The following ALK variants were observed in gnomAD, a reference collection of about 807,000 sequenced individuals.
ALK encodes ALK receptor tyrosine kinase.
Under a neutral mutation model 163.1 loss-of-function variants are expected in ALK, and 74 were observed. The ratio of observed to expected loss-of-function variants is 0.45; its 90% CI spans 0.38 to 0.55. ALK has a LOEUF of 0.55. Ranked by LOEUF, ALK falls within the 20% of genes least tolerant of loss-of-function variation. The pLI is 0.00. For synonymous variants in ALK, 960 were observed against 843.2 expected (o/e 1.14, Z -2.40); for missense variants, 2,063 against 2,105.3 (o/e 0.98, Z 0.39).
chr2:29,541,122 G>T (rs1236887823), intron 3 of ALK, among the ~76,000 whole-genome samples: 1 of 152,094 alleles, frequency 6.6e-6, no homozygotes, highest in East Asian at 1.9e-4. Context: ...TCCTGGAATG[G>T]GACACAACTG....
intron 1 of ALK, among the ~76,000 whole-genome samples, chr2:29,858,904 G>T (rs764939887): frequency 2.7e-5 from 4 of 149,210 alleles, no homozygotes; most frequent in Non-Finnish European, 4.4e-5. Context: ...CCAGGCACAC[G>T]TGCCTGTAGT....
At chr2:29,688,516 C>T (rs1360957685) in intron 3 of ALK, among the ~76,000 whole-genome samples, 2 of 152,114 alleles carry the variant, frequency 1.3e-5, no homozygotes, top group African/African-American at 4.8e-5. Context: ...ATGGGGCATA[C>T]AACAGAATAA....
At chr2:29,856,616 C>T (rs1168988920) in intron 1 of ALK, among the ~76,000 whole-genome samples, 2 of 152,358 alleles carry the variant, frequency 1.3e-5, no homozygotes, top group Admixed American at 1.3e-4. Context: ...TTCACCAAAT[C>T]CTACCTCCTC....
In ALK at chr2:29,452,332, GTT is replaced by G. The variant is rs66533654; in HGVS notation, c.1155-68475_1155-68474del. 3.9e-3 allele frequency among the ~76,000 whole-genome samples: 576 copies of G among 146,130 alleles called. 24 individuals carry two copies. In the East Asian group the frequency reaches 0.1, roughly 26 times the overall value. On this transcript the variant is annotated intron_variant, in intron 4 of 28. Coordinates refer to ENST00000389048, the MANE Select transcript of ALK (RefSeq NM_004304.5). ...CTTAGATCTCACTCAAGTTTTTTTT[GTT>G]TTTTTTTTTTTTTTTTTCTTCATTC...
At chr2:29,491,682 C>T (rs1307926424) in intron 4 of ALK, among the ~76,000 whole-genome samples, 4 of 152,188 alleles carry the variant, frequency 2.6e-5, no homozygotes. Flanking sequence ...AGCAGCTGAG[C>T]TTGTTAATGA....
chr2:29,637,380 T>A (rs945028532), intron 3 of ALK, among the ~76,000 whole-genome samples: 8 of 152,162 alleles, frequency 5.3e-5, no homozygotes, highest in Non-Finnish European at 8.8e-5. Context: ...TGTTTAAACT[T>A]ACAAAAGTGT....
intron 3 of ALK, among the ~76,000 whole-genome samples, chr2:29,645,853 A>C (rs1676857691): frequency 6.6e-6 from 1 of 151,976 alleles, no homozygotes; most frequent in Admixed American, 6.6e-5. Context: ...TTCTTTAATC[A>C]CATTTACTAG....
intron 1 of ALK, among the ~76,000 whole-genome samples, chr2:29,802,621 T>C (rs1056958060): frequency 7.0e-6 from 1 of 142,764 alleles, no homozygotes; most frequent in Non-Finnish European, 1.5e-5. Flanking sequence ...CAGAGCCAAA[T>C]CCCAAATCTA....
chr2:29,384,243 T>A (rs568889292), intron 4 of ALK, among the ~76,000 whole-genome samples: 1 of 152,322 alleles, frequency 6.6e-6, no homozygotes, highest in South Asian at 2.1e-4. Context: ...CATGTATCAC[T>A]CTATTCAAAA....
chr2:29,395,742 C>A (rs546617933), intron 4 of ALK, among the ~76,000 whole-genome samples: 4 of 152,324 alleles, frequency 2.6e-5, no homozygotes, highest in Admixed American at 6.5e-5. Flanking sequence ...TCCAGAGGGT[C>A]CTGCCCTGTA....
chr2:29,892,509 C>T (rs189772455), intron 1 of ALK, among the ~76,000 whole-genome samples: 3 of 152,330 alleles, frequency 2.0e-5, no homozygotes, highest in Admixed American at 2.0e-4. Flanking sequence ...ATAATTGCTT[C>T]TAATCACTTA....
intron 11 of ALK, among the ~76,000 whole-genome samples, chr2:29,256,745 G>C (rs1664958424): frequency 6.6e-6 from 1 of 152,086 alleles, no homozygotes; most frequent in South Asian, 2.1e-4. Context: ...ACTATACTGA[G>C]GTGAGTGGAC....
At chr2:29,460,678 T>C (rs62131811) in intron 4 of ALK, among the ~76,000 whole-genome samples, 37,339 of 152,128 alleles carry the variant, frequency 0.25, 5,770 homozygotes, top group Non-Finnish European at 0.35. Context: ...ATAAATGTTG[T>C]CTGACTGCTC....
At chr2:29,736,930 A>T (rs1003349705) in intron 1 of ALK, among the ~76,000 whole-genome samples, 36 of 152,236 alleles carry the variant, frequency 2.4e-4, no homozygotes, top group African/African-American at 8.4e-4. Context: ...GAAGTAACAG[A>T]GAATGGGCAC....
Position 29,395,456 on chromosome 2 carries a change from A to C in ALK, c.1155-11597T>G, listed in dbSNP as rs146730468. Among the ~76,000 whole-genome samples, 513 of 152,210 alleles carry C rather than the reference A, an allele frequency of 3.4e-3. 2 individuals are homozygous for C. The highest frequency in any genetic ancestry group is 0.011 in the African/African-American group (465 of 41,546). Reference sequence around the variant, plus strand: ...ACACCTTGCTATGCCCTGCCCCTTCACTGGGGTGGTCATGGTTGGAACTCA... The same window carrying C: ...ACACCTTGCTATGCCCTGCCCCTTCCCTGGGGTGGTCATGGTTGGAACTCA... On this transcript the variant is annotated intron_variant, in intron 4 of 28. Coordinates refer to ENST00000389048, the MANE Select transcript of ALK (RefSeq NM_004304.5).
intron 3 of ALK, among the ~76,000 whole-genome samples, chr2:29,572,328 T>C (rs1326699110): frequency 6.6e-6 from 1 of 152,198 alleles, no homozygotes; most frequent in Non-Finnish European, 1.5e-5. Context: ...TTCAGAAACA[T>C]GGTCGGCCAC....
chr2:29,578,883 CT>C (rs1674599065), intron 3 of ALK, among the ~76,000 whole-genome samples: 1 of 152,214 alleles, frequency 6.6e-6, no homozygotes, highest in Non-Finnish European at 1.5e-5. Flanking sequence ...CTCCCCACCC[CT>C]GGACCTGCCC....
intron 4 of ALK, among the ~76,000 whole-genome samples, chr2:29,451,930 A>C (rs1305882536): frequency 6.6e-6 from 1 of 152,228 alleles, no homozygotes; most frequent in East Asian, 1.9e-4. Flanking sequence ...CGCTAGCCTC[A>C]GAGTGACTAG....
At chr2:29,247,391 A>C (rs1382045936) in intron 12 of ALK, among the ~76,000 whole-genome samples, 1 of 152,246 alleles carries the variant, frequency 6.6e-6, no homozygotes, top group African/African-American at 2.4e-5. Context: ...AATGAAGCCC[A>C]GGAACCTGGA....
Sources: gnomAD v4.1 joint callset for allele counts (sites outside exome capture counted in the v4.1 genomes callset) on GRCh38, gnomAD v4.1.1 for gene constraint, MANE v1.5 for transcripts, NCBI Gene and HGNC (gene_info 2026-07-23, HGNC 2026-07-21) for gene names.